Variants in IGSF11 observed in about 807,000 individuals in gnomAD.
The protein encoded by IGSF11 is CXADR like 1.
Under a neutral mutation model 41.0 loss-of-function variants are expected in IGSF11, and 22 were observed. The ratio of observed to expected loss-of-function variants is 0.54; its 90% confidence interval spans 0.38 to 0.77. The LOEUF (loss-of-function observed/expected upper bound fraction) is 0.77. Ranked by LOEUF, IGSF11 falls within the 30% of genes least tolerant of loss-of-function variation. The pLI is 0.00. For missense variants in IGSF11, 444 were observed against 530.8 expected, an observed-to-expected ratio of 0.84 and a Z score of 1.61; for synonymous variants, 219 against 201.3, an observed-to-expected ratio of 1.09 and a Z score of -0.74.
chr3:118,994,227 C>T (rs980198477), intron 1 of IGSF11, among the ~76,000 whole-genome samples: 2 of 152,162 alleles, frequency 1.3e-5, no homozygotes, highest in African/African-American at 4.8e-5. Flanking sequence ...TCAATGTATA[C>T]ATCCTAAACA....
At chr3:119,005,076 C>T (rs1342527437) in intron 1 of IGSF11, among the ~76,000 whole-genome samples, 1 of 148,310 alleles carries the variant, frequency 6.7e-6, no homozygotes, top group Non-Finnish European at 1.5e-5. Flanking sequence ...TAAAGTCTCC[C>T]ATTATTAATG....
At chr3:118,935,285 T>C (rs1943160026) in intron 1 of IGSF11, among the ~76,000 whole-genome samples, 1 of 127,886 alleles carries the variant, frequency 7.8e-6, no homozygotes, top group Admixed American at 8.2e-5. Context: ...CCTGAGGAAA[T>C]ATCAGGGTGT....
chr3:119,017,348 T>G (rs1258050883), intron 1 of IGSF11, among the ~76,000 whole-genome samples: 3 of 152,328 alleles, frequency 2.0e-5, no homozygotes, highest in Admixed American at 2.0e-4. Context: ...AGCATATCAC[T>G]GTACTGAATA....
intron 1 of IGSF11, among the ~76,000 whole-genome samples, chr3:119,145,473 A>G (rs1158837117): frequency 6.6e-6 from 1 of 152,192 alleles, no homozygotes; most frequent in Non-Finnish European, 1.5e-5. Flanking sequence ...TCCTTCTGGT[A>G]TCTTTCTCCC....
intron 1 of IGSF11, among the ~76,000 whole-genome samples, chr3:119,056,072 A>G (rs1941821113): frequency 6.6e-6 from 1 of 152,210 alleles, no homozygotes; most frequent in Admixed American, 6.5e-5. Flanking sequence ...CTAGAGAAGC[A>G]AGAGCAAATA....
chr3:119,113,669 C>A (rs539112162), intron 1 of IGSF11, among the ~76,000 whole-genome samples: 1 of 152,164 alleles, frequency 6.6e-6, no homozygotes, highest in Non-Finnish European at 1.5e-5. Flanking sequence ...TGCAAGCTGT[C>A]GATGGATCTA....
chr3:119,093,347 C>G (rs2076795301), intron 1 of IGSF11, among the ~76,000 whole-genome samples: 1 of 152,044 alleles, frequency 6.6e-6, no homozygotes, highest in South Asian at 2.1e-4. Context: ...AACACACTAC[C>G]ATGGAGAACT....
At chr3:118,950,991 G>T (rs571672331) in intron 1 of IGSF11, among the ~76,000 whole-genome samples, 21 of 152,264 alleles carry the variant, frequency 1.4e-4, no homozygotes, top group African/African-American at 4.8e-4. Context: ...TGGGTAAGTT[G>T]GTAGACAGTA....
At chr3:118,985,603 T>C (rs1262980533) in intron 1 of IGSF11, among the ~76,000 whole-genome samples, 1 of 152,218 alleles carries the variant, frequency 6.6e-6, no homozygotes, top group Non-Finnish European at 1.5e-5. Context: ...TCCCCAAATC[T>C]GATCTTTATT....
chr3:118,911,755 A>C (rs1057291100), intron 4 of IGSF11, among the ~76,000 whole-genome samples: 1 of 151,790 alleles, frequency 6.6e-6, no homozygotes, highest in Admixed American at 6.6e-5. Flanking sequence ...GAGAGAGAGA[A>C]TATCAAGATT....
At chr3:118,991,748 T>C (rs1185704913) in intron 1 of IGSF11, among the ~76,000 whole-genome samples, 4 of 152,210 alleles carry the variant, frequency 2.6e-5, no homozygotes, top group Admixed American at 2.6e-4. Context: ...ATTTTTTTAA[T>C]TTAGAAAATG....
chr3:118,966,622 A>C (rs555115642), intron 1 of IGSF11, among the ~76,000 whole-genome samples: 1 of 152,210 alleles, frequency 6.6e-6, no homozygotes, highest in Non-Finnish European at 1.5e-5. Flanking sequence ...AGTGACAATT[A>C]TAAGGATCGC....
chr3:118,923,653 C>T (rs1305597576), intron 4 of IGSF11, among the ~76,000 whole-genome samples: 4 of 152,298 alleles, frequency 2.6e-5, no homozygotes, highest in Non-Finnish European at 1.5e-5. Context: ...TCCTACTGCT[C>T]AAGGTCATCG....
chr3:119,047,391 G>A (rs1102586), intron 1 of IGSF11, among the ~76,000 whole-genome samples: 39,800 of 151,700 alleles, frequency 0.26, 5,199 homozygotes, highest in African/African-American at 0.31. Flanking sequence ...AGATCAAAAG[G>A]GACAAAGAAG....
At chr3:119,039,832 A>C (rs1941049988), upstream of IGSF11, among the ~76,000 whole-genome samples, 3 of 152,180 alleles carry the variant, frequency 2.0e-5, no homozygotes, top group Non-Finnish European at 4.4e-5. Context: ...GTAACTGACC[A>C]TTGAAACCAC....
chr3:119,112,213 C>T (rs2077178080), intron 1 of IGSF11, among the ~76,000 whole-genome samples: 1 of 152,228 alleles, frequency 6.6e-6, no homozygotes, highest in Non-Finnish European at 1.5e-5. Context: ...CCTACAGAGG[C>T]AGGCAGGCCT....
chr3:119,082,137 T>G (rs933218642), intron 1 of IGSF11, among the ~76,000 whole-genome samples: 8 of 152,300 alleles, frequency 5.3e-5, no homozygotes, highest in Non-Finnish European at 1.5e-5. Context: ...TTGTAATTAT[T>G]TATATTCACT....
chr3:119,107,511 C>T (rs940021794), upstream of IGSF11, among the ~76,000 whole-genome samples: 9 of 151,970 alleles, frequency 5.9e-5, no homozygotes, highest in Non-Finnish European at 8.8e-5. Flanking sequence ...GAGTAGGTTG[C>T]GAAAATTTTC....
intron 1 of IGSF11, among the ~76,000 whole-genome samples, chr3:118,931,171 T>C (rs1942818506): frequency 6.6e-6 from 1 of 152,146 alleles, no homozygotes; most frequent in Admixed American, 6.5e-5. Flanking sequence ...GATAGTAATA[T>C]GCCAAAAATT....
Sources: gnomAD v4.1 joint callset for allele counts (sites outside exome capture counted in the v4.1 genomes callset) on GRCh38, gnomAD v4.1.1 for gene constraint, MANE v1.5 for transcripts, NCBI Gene and HGNC (gene_info 2026-07-23, HGNC 2026-07-21) for gene names.